PLA2R1: variants seen among roughly 807,000 people sequenced by gnomAD.
PLA2R1 encodes the protein secretory phospholipase A2 receptor.
In PLA2R1, 158 loss-of-function variants were observed where a neutral mutation model predicts 195.9. That is an observed-to-expected ratio of 0.81 (90% CI 0.71 to 0.92). PLA2R1 has a LOEUF of 0.92. PLA2R1 is among the 40% of genes least tolerant of loss of function. The pLI is 0.00. For missense variants in PLA2R1, 1,626 were observed against 1,764.6 expected (o/e 0.92, Z 1.41); for synonymous variants, 586 against 598.2 (o/e 0.98, Z 0.30).
Position 159,977,330 on chromosome 2 carries a change from G to A in PLA2R1, c.2355C>T (p.Pro785=). 1 of 1,612,912 alleles carries A rather than the reference G, an allele frequency of 6.2e-7. No individual in the cohort carries two copies. Among genetic ancestry groups the A allele is most frequent in the Non-Finnish European group, 8.5e-7 (1 of 1,178,990 alleles). The part of the protein sequence containing the change: ...AVYKANKTLL[P]LHCGSKREWI... ...ATTCACGTTTGGAACCACAGTGTAAGGGCAGCAATGTTTTGTTTGCCTTAT... is the reference window on the plus strand; with the variant it reads ...ATTCACGTTTGGAACCACAGTGTAAAGGCAGCAATGTTTTGTTTGCCTTAT... Residue 785 remains proline, a synonymous_variant, in exon 15 of 30, where the codon CCC becomes CCT. Coordinates refer to ENST00000283243, the MANE Select transcript of PLA2R1 (RefSeq NM_007366.5).
chr2:159,967,624 T>C lies in PLA2R1; in HGVS notation c.2819A>G (p.Lys940Arg), dbSNP rs148769190. Residue 940 changes from lysine to arginine, a missense_variant, in exon 20 of 30, where the codon AAA becomes AGA. Transcript: ENST00000283243. The part of the protein sequence containing the change: ...SVSMPSICKR[K>R]KVWLIEKKKD... ...CTTTTTCTCTATGAGCCAAACCTTT[T>C]TTCGCTTACAGATACTAGGCATAGA... 44 of 1,613,744 alleles carry C rather than the reference T, an allele frequency of 2.7e-5. No individual in the cohort carries two copies. The African/African-American group carries it at 4.7e-4, about 17-fold the overall frequency.
chr2:160,020,790 AT>A (rs1354042318), intron 7 of PLA2R1, among the ~76,000 whole-genome samples: 2 of 152,160 alleles, frequency 1.3e-5, no homozygotes, highest in Non-Finnish European at 2.9e-5. Context: ...AATTTCTTTT[AT>A]TTATAAATTA....
At position 160,020,242 on chromosome 2, in the gene PLA2R1, A is replaced by G. The variant is rs570992829; in HGVS notation, c.1316T>C (p.Ile439Thr). Reference protein sequence around the residue: ...LGDENASETWIGLSSNKIPVS... With the variant: ...LGDENASETWTGLSSNKIPVS... ...TGGAATTTTATTGCTGCTCAAACCA[A>G]TCCATGTTTCTGATGCATTTTCTGT... The change falls in exon 8 of 30, where the codon ATT becomes ACT. Residue 439 changes from isoleucine to threonine, a missense_variant. Ile to Thr is a moderately conservative substitution (Grantham distance 89, BLOSUM62 -1). Coordinates refer to ENST00000283243, the MANE Select transcript of PLA2R1 (RefSeq NM_007366.5). 16 of 1,608,704 alleles carry G rather than the reference A, an allele frequency of 9.9e-6. No individual in the cohort carries two copies. In the African/African-American group the frequency reaches 2.0e-4, roughly 20 times the overall value.
rs1423115492 is a variant in PLA2R1 at position 159,978,661 on chromosome 2, G to A, written c.2268+1169C>T. On this transcript the variant is annotated intron_variant, in intron 14 of 29. Coordinates refer to ENST00000283243, the MANE Select transcript of PLA2R1 (RefSeq NM_007366.5). ...GACTTGAACCACCCAGCTGTCTCAT[G>A]TAGTGGCTGCCATTTATGGAGTAAG... is the stretch of plus-strand genomic sequence containing the variant. Among the ~76,000 whole-genome samples, 3 of 152,152 alleles carry A rather than the reference G, an allele frequency of 2.0e-5. No individual in the cohort carries two copies. In the East Asian group the frequency reaches 5.8e-4, roughly 29 times the overall value.
At chr2:159,927,747 T>A (rs757819759), downstream of PLA2R1, among the ~76,000 whole-genome samples, 1 of 152,212 alleles carries the variant, frequency 6.6e-6, no homozygotes, top group African/African-American at 2.4e-5. Flanking sequence ...ACTCTTTCAT[T>A]ATCCCTGGTC....
intron 6 of PLA2R1, among the ~76,000 whole-genome samples, chr2:160,025,936 G>A (rs184971520): frequency 7.9e-5 from 12 of 152,240 alleles, no homozygotes; most frequent in Admixed American, 7.2e-4. Flanking sequence ...CAAGTCTGAA[G>A]GTCTACTGTA....
At chr2:159,975,075 G>A (rs1689450230) in intron 17 of PLA2R1, among the ~76,000 whole-genome samples, 1 of 152,144 alleles carries the variant, frequency 6.6e-6, no homozygotes, top group Non-Finnish European at 1.5e-5. Context: ...AAGGGAAAGG[G>A]GAGTGAGGAT....
rs767434437 is a variant in PLA2R1 at position 160,016,667 on chromosome 2, T to C, written c.1498A>G (p.Ile500Val). The part of the protein sequence containing the change: ...VKNCEERLFY[I>V]CKKAGHVLSD... ...AGGACATGGCCTGCTTTTTTACAAA[T>C]GTAAAAAAGTCTTTCTTCACAATTT... The change falls in exon 9 of 30, where the codon ATT (isoleucine) becomes GTT (valine). Residue 500 changes from isoleucine (I) to valine (V), a missense_variant. By Grantham distance (29) the Ile-to-Val change is conservative (BLOSUM62 3). Transcript: ENST00000283243. The C allele has an allele frequency of 1.5e-5, 24 of 1,609,932 alleles. No individual in the cohort carries two copies. In the East Asian group the frequency reaches 4.7e-4, roughly 31 times the overall value.
At chr2:160,046,199 C>A (rs1048125057) in intron 1 of PLA2R1, among the ~76,000 whole-genome samples, 1 of 152,240 alleles carries the variant, frequency 6.6e-6, no homozygotes, top group African/African-American at 2.4e-5. Flanking sequence ...TCAGTGCTTG[C>A]TGTTGATGAA....
rs151226669 is a variant in PLA2R1 at position 159,983,143 on chromosome 2, G to A, written c.2183+785C>T. On this transcript the variant is annotated intron_variant, in intron 13 of 29. Transcript: ENST00000283243. ...CTGTATTTGCTCTAGCTCAAACTGAGGGGAGGCAGATTTCTGGCTTATTAG... is the reference window on the plus strand; with the variant it reads ...CTGTATTTGCTCTAGCTCAAACTGAAGGGAGGCAGATTTCTGGCTTATTAG... 1.8e-4 allele frequency among the ~76,000 whole-genome samples: 27 copies of A among 152,236 alleles called. 1 individual carries two copies. The East Asian group carries it at 5.2e-3, about 29-fold the overall frequency.
At chr2:159,952,043 T>C (rs1241930470) in intron 23 of PLA2R1, among the ~76,000 whole-genome samples, 1 of 152,244 alleles carries the variant, frequency 6.6e-6, no homozygotes, top group African/African-American at 2.4e-5. Context: ...AAATACTCGA[T>C]TACACTTTTG....
intron 1 of PLA2R1, among the ~76,000 whole-genome samples, chr2:160,052,502 T>C (rs1040002537): frequency 9.8e-5 from 15 of 152,394 alleles, no homozygotes; most frequent in Non-Finnish European, 1.5e-5. Context: ...TAGTCTATTC[T>C]CCCATTGTTT....
At chr2:159,965,582 A>G (rs1383830962) in intron 20 of PLA2R1, among the ~76,000 whole-genome samples, 1 of 152,232 alleles carries the variant, frequency 6.6e-6, no homozygotes, top group Non-Finnish European at 1.5e-5. Flanking sequence ...TTGGCAATTA[A>G]GAATAAAGAT....
intron 11 of PLA2R1, among the ~76,000 whole-genome samples, chr2:159,996,840 T>C (rs1043094200): frequency 3.9e-5 from 6 of 152,142 alleles, no homozygotes; most frequent in African/African-American, 7.2e-5. Context: ...CATTCTTCAT[T>C]TCTGTTATGG....
At chr2:160,038,132 C>A (rs1413068932) in intron 3 of PLA2R1, among the ~76,000 whole-genome samples, 1 of 152,174 alleles carries the variant, frequency 6.6e-6, no homozygotes, top group African/African-American at 2.4e-5. Context: ...ATAGACAATT[C>A]TTTTGCGAAT....
intron 11 of PLA2R1, among the ~76,000 whole-genome samples, chr2:160,004,356 A>G (rs572142640): frequency 6.6e-6 from 1 of 152,304 alleles, no homozygotes; most frequent in Non-Finnish European, 1.5e-5. Flanking sequence ...AAATCGGTGG[A>G]GCTTTGCCAA....
chr2:159,987,618 C>T (rs1354557829), intron 11 of PLA2R1, among the ~76,000 whole-genome samples: 1 of 152,112 alleles, frequency 6.6e-6, no homozygotes, highest in Non-Finnish European at 1.5e-5. Context: ...GCTCAGATGG[C>T]AAATGATGAG....
At chr2:159,961,617 G>A (rs1014633153) in intron 20 of PLA2R1, among the ~76,000 whole-genome samples, 8 of 152,066 alleles carry the variant, frequency 5.3e-5, no homozygotes, top group African/African-American at 9.7e-5. Context: ...TTCAGAAGGC[G>A]CCTCCCCTCC....
chr2:159,959,392 G>A (rs1024805285), intron 20 of PLA2R1, among the ~76,000 whole-genome samples: 1 of 152,086 alleles, frequency 6.6e-6, no homozygotes, highest in Non-Finnish European at 1.5e-5. Context: ...CAATTACCAC[G>A]ACTTCATTGT....
Sources: gnomAD v4.1 joint callset for allele counts (sites outside exome capture counted in the v4.1 genomes callset) on GRCh38, gnomAD v4.1.1 for gene constraint, MANE v1.5 for transcripts, NCBI Gene and HGNC (gene_info 2026-07-23, HGNC 2026-07-21) for gene names.